The following SPOCK1 variants were observed in gnomAD, a reference collection of about 807,000 sequenced individuals.
The protein encoded by SPOCK1 is testican-1.
Under a neutral mutation model 55.3 loss-of-function variants are expected in SPOCK1, and 23 were observed. The ratio of observed to expected loss-of-function variants is 0.42; its 90% CI spans 0.30 to 0.59. SPOCK1 has a LOEUF of 0.59. Among genes scored for constraint, SPOCK1 ranks in the 20% least tolerant of loss-of-function variants. SPOCK1 has a pLI of 0.22. For synonymous variants in SPOCK1, 226 were observed against 221.0 expected, an observed-to-expected ratio of 1.02 and a Z score of -0.20; for missense variants, 499 against 552.5, an observed-to-expected ratio of 0.90 and a Z score of 0.97.
At chr5:137,013,602 C>T (rs1211612194) in intron 6 of SPOCK1, among the ~76,000 whole-genome samples, 8 of 152,090 alleles carry the variant, frequency 5.3e-5, no homozygotes, top group East Asian at 3.9e-4. Context: ...ATGTGTAGTC[C>T]GAATGCCAAC....
chr5:137,303,383 AATGCTTATGATTATTCT>A (rs1276614593), intron 2 of SPOCK1, among the ~76,000 whole-genome samples: 1 of 151,998 alleles, frequency 6.6e-6, no homozygotes, highest in African/African-American at 2.4e-5. Flanking sequence ...TTTCTTATTG[AATGCTTATGATTATTCT>A]ATGTGATAAG....
chr5:137,495,283 G>A (rs1464286382), intron 2 of SPOCK1, among the ~76,000 whole-genome samples: 1 of 152,118 alleles, frequency 6.6e-6, no homozygotes, highest in African/African-American at 2.4e-5. Context: ...AGGTTGCCAG[G>A]TCACCTCTGG....
In SPOCK1 at chr5:137,410,719, C is replaced by T. The variant is rs182677220; in HGVS notation, c.186+87654G>A. ...AGATTCACACCTGTGAGCATGAGCT[C>T]GAGTTCAGAAGGGAGTGTGCCACAC... On this transcript the variant is annotated intron_variant, in intron 2 of 10. Transcript: ENST00000394945. 6.1e-4 allele frequency among the ~76,000 whole-genome samples: 93 copies of T among 152,318 alleles called. 1 individual carries two copies. The highest frequency in any genetic ancestry group is 1.2e-4 in the Non-Finnish European group (8 of 68,016).
intron 7 of SPOCK1, among the ~76,000 whole-genome samples, chr5:136,991,895 T>G (rs1052679266): frequency 6.6e-6 from 1 of 152,180 alleles, no homozygotes; most frequent in African/African-American, 2.4e-5. Flanking sequence ...TTGAGCAATC[T>G]GCATGTTATG....
At chr5:137,204,158 T>C (rs909802180) in intron 3 of SPOCK1, among the ~76,000 whole-genome samples, 1 of 152,214 alleles carries the variant, frequency 6.6e-6, no homozygotes, top group African/African-American at 2.4e-5. Flanking sequence ...TGGTCTGTTA[T>C]GAGGCATCAA....
intron 2 of SPOCK1, among the ~76,000 whole-genome samples, chr5:137,416,758 C>T (rs1027491267): frequency 6.6e-6 from 1 of 152,118 alleles, no homozygotes; most frequent in Non-Finnish European, 1.5e-5. Flanking sequence ...CACATCCCCA[C>T]CAGCACCAAG....
At chr5:137,044,812 G>C (rs1356513081) in intron 6 of SPOCK1, among the ~76,000 whole-genome samples, 5 of 124,224 alleles carry the variant, frequency 4.0e-5, no homozygotes, top group Admixed American at 2.8e-4. Flanking sequence ...CCCCACCACA[G>C]TCCCCAGAGT....
chr5:137,021,339 T>G (rs1258775521), intron 6 of SPOCK1, among the ~76,000 whole-genome samples: 4 of 152,122 alleles, frequency 2.6e-5, no homozygotes, highest in Middle Eastern at 3.2e-3. Flanking sequence ...CATTAAGGGA[T>G]GCAAATATGT....
chr5:137,370,163 C>T (rs1471131349), intron 2 of SPOCK1, among the ~76,000 whole-genome samples: 1 of 152,306 alleles, frequency 6.6e-6, no homozygotes, highest in East Asian at 1.9e-4. Context: ...CCAACCGATT[C>T]TGCACCCTTC....
chr5:137,486,448 C>G (rs17171442), intron 2 of SPOCK1, among the ~76,000 whole-genome samples: 1 of 152,018 alleles, frequency 6.6e-6, no homozygotes, highest in Non-Finnish European at 1.5e-5. Flanking sequence ...GCACCTCTTT[C>G]TCTTCACTTT....
intron 2 of SPOCK1, among the ~76,000 whole-genome samples, chr5:137,493,187 G>A (rs996720895): frequency 1.2e-4 from 19 of 152,176 alleles, no homozygotes; most frequent in South Asian, 1.2e-3. Flanking sequence ...CATCCTGAAT[G>A]TGCTTGTGTT....
chr5:137,064,672 T>A lies in SPOCK1; in HGVS notation c.589+3043A>T, dbSNP rs1752460432. On this transcript the variant is annotated intron_variant, in intron 6 of 10. Coordinates refer to ENST00000394945, the MANE Select transcript of SPOCK1 (RefSeq NM_004598.4). The stretch of plus-strand genomic sequence containing the variant: ...TTCCTTTTATTTCACCTCTGACCTC[T>A]CCCTTGTACCCATGCCCTCCTCTTC... 1.3e-5 allele frequency among the ~76,000 whole-genome samples: 2 copies of A among 148,970 alleles called. 1 individual carries two copies. The highest frequency in any genetic ancestry group is 4.1e-4 in the South Asian group (2 of 4,820).
At chr5:137,399,772 TA>T (rs557709033) in intron 2 of SPOCK1, among the ~76,000 whole-genome samples, 4 of 151,872 alleles carry the variant, frequency 2.6e-5, no homozygotes, top group South Asian at 2.1e-4. Context: ...AATTATTTTT[TA>T]AAAAAAAACT....
At chr5:137,421,906 A>G (rs1040903630) in intron 2 of SPOCK1, among the ~76,000 whole-genome samples, 3 of 152,160 alleles carry the variant, frequency 2.0e-5, no homozygotes, top group Non-Finnish European at 2.9e-5. Flanking sequence ...TGGTCTTTAC[A>G]ATTTGGCATG....
chr5:137,115,300 T>C (rs1468881872), intron 4 of SPOCK1, among the ~76,000 whole-genome samples: 3 of 152,122 alleles, frequency 2.0e-5, no homozygotes, highest in African/African-American at 7.2e-5. Flanking sequence ...AATAACTTTA[T>C]TTTCTAGGTG....
At chr5:137,062,721 C>A (rs1752416909) in intron 6 of SPOCK1, among the ~76,000 whole-genome samples, 2 of 123,690 alleles carry the variant, frequency 1.6e-5, no homozygotes, top group African/African-American at 3.4e-5. Flanking sequence ...CTGGGAGAGA[C>A]CTTTCCTGAA....
At position 137,024,321 on chromosome 5, in the gene SPOCK1, G is replaced by GGGC. The variant is rs537253952; in HGVS notation, c.590-31722_590-31721insGCC. 1.3e-3 allele frequency among the ~76,000 whole-genome samples: 195 copies of GGGC among 146,764 alleles called. 4 individuals carry two copies. The East Asian group carries it at 0.029, about 22-fold the overall frequency. The stretch of plus-strand genomic sequence containing the variant: ...TAAATTGCACCAGTTTGAAGGGGGG[G>GGGC]GGGTAGTTACAACTGACTGCTCATG... On this transcript the variant is annotated intron_variant, in intron 6 of 10. Transcript: ENST00000394945.
rs527995885 is a variant in SPOCK1 at position 137,249,709 on chromosome 5, A to G, written c.232+17301T>C. ...TACCTAAAAAAACTTTACAATTCCA[A>G]GCTGTCAGTTCAAAAGCCAAAATGC... On this transcript the variant is annotated intron_variant, in intron 3 of 10. Coordinates refer to ENST00000394945, the MANE Select transcript of SPOCK1 (RefSeq NM_004598.4). Among the ~76,000 whole-genome samples, 75 of 152,354 alleles carry G rather than the reference A, an allele frequency of 4.9e-4. No individual in the cohort carries two copies. The South Asian group carries it at 0.014, about 28-fold the overall frequency.
At chr5:137,386,756 T>C (rs1277661864) in intron 2 of SPOCK1, among the ~76,000 whole-genome samples, 1 of 152,154 alleles carries the variant, frequency 6.6e-6, no homozygotes, top group African/African-American at 2.4e-5. Flanking sequence ...TGATGGTGAC[T>C]TTTTAGATAT....
Sources: allele counts gnomAD v4.1 joint callset (sites outside exome capture counted in the v4.1 genomes callset), GRCh38; gene constraint gnomAD v4.1.1; transcripts MANE v1.5; gene names NCBI Gene and HGNC (gene_info 2026-07-23, HGNC 2026-07-21).